The following EPS15L1 variants were observed in gnomAD, a reference collection of about 807,000 sequenced individuals.
EPS15L1 encodes epidermal growth factor receptor substrate 15-like 1.
In EPS15L1, 43 loss-of-function variants were observed where a neutral mutation model predicts 117.1. The ratio of observed to expected loss-of-function variants is 0.37; its 90% CI spans 0.29 to 0.47. The LOEUF is 0.47. EPS15L1 is among the 20% of genes least tolerant of loss of function. EPS15L1 has a pLI of 0.99. For missense variants in EPS15L1, 981 were observed against 1,164.0 expected (o/e 0.84, Z 2.29); for synonymous variants, 459 against 470.5 (o/e 0.98, Z 0.32).
intron 13 of EPS15L1, chr19:16,412,670 C>T (rs906690789): frequency 2.8e-5 from 4 of 143,046 alleles, no homozygotes; most frequent in Admixed American, 9.3e-5. Flanking sequence ...TCTTCTTCTC[C>T]GAGAAAACAC....
chr19:16,404,971 G>A lies in EPS15L1; in HGVS notation c.1267-222C>T, dbSNP rs2092641784. 6.6e-6 allele frequency among the ~76,000 whole-genome samples: 1 copy of A among 152,202 alleles called. No homozygotes were observed. Among genetic ancestry groups the A allele is most frequent in the African/African-American group, 2.4e-5 (1 of 41,442 alleles). ...CCAGCTCCCTCAGCAGGTATTTCCCGATGGCCTAACAGAGGCCAGGTGCGA... is the reference window on the plus strand; with the variant it reads ...CCAGCTCCCTCAGCAGGTATTTCCCAATGGCCTAACAGAGGCCAGGTGCGA... On this transcript the variant is annotated intron_variant, in intron 13 of 23. Coordinates refer to ENST00000455140, the MANE Select transcript of EPS15L1 (RefSeq NM_001258374.3). This position sits in a 1 kb window ranked among gnomAD's most constrained non-coding sequence, Gnocchi z 4.2.
At chr19:16,385,292 G>A (rs763530571) in intron 20 of EPS15L1, 81 bp from the exon 21 acceptor site, 44 of 1,170,474 alleles carry the variant, frequency 3.8e-5, no homozygotes, top group Non-Finnish European at 5.5e-5. Context: ...ATGCTAGATG[G>A]CCCCTGAACC....
intron 21 of EPS15L1, among the ~76,000 whole-genome samples, chr19:16,378,925 G>A (rs2092328992): frequency 6.6e-6 from 1 of 152,202 alleles, no homozygotes; most frequent in Admixed American, 6.5e-5. Context: ...TTACAAAAAT[G>A]CAAAATAACT....
At chr19:16,384,702 T>G (rs1225809767) in intron 21 of EPS15L1, among the ~76,000 whole-genome samples, 2 of 152,210 alleles carry the variant, frequency 1.3e-5, no homozygotes, top group Non-Finnish European at 2.9e-5. Context: ...GCCCTCACTT[T>G]TCAACACCCC....
At chr19:16,392,499 A>G in intron 18 of EPS15L1, 59 bp from the exon 19 acceptor site, 1 of 1,478,866 alleles carries the variant, frequency 6.8e-7, no homozygotes, top group Non-Finnish European at 9.4e-7. Context: ...CCCAGACATA[A>G]AAGAACACAT....
chr19:16,361,916 G>A lies in EPS15L1; in HGVS notation c.2449C>T (p.Leu817Phe). The change falls in exon 23 of 24, where the codon CTC becomes TTC. Residue 817 changes from leucine (L) to phenylalanine (F), a missense_variant. Leu to Phe is a conservative substitution (Grantham distance 22). This residue lies in a region of EPS15L1 where 819 missense variants were observed against 949.0 expected (regional missense o/e 0.86). Transcript: ENST00000455140. The stretch of plus-strand genomic sequence containing the variant: ...AACGGGTCGCCGCTGTCAGCCCCGA[G>A]TGGCTGGAATGGATCGGGGGCCTCG... ...FPEAPDPFQPLGADSGDPFQS... is the reference protein window; with the variant it reads ...FPEAPDPFQPFGADSGDPFQS... 1 of 1,614,056 alleles carries A rather than the reference G, an allele frequency of 6.2e-7. No homozygotes were observed. The highest frequency in any genetic ancestry group is 8.5e-7 in the Non-Finnish European group (1 of 1,180,010).
intron 1 of EPS15L1, among the ~76,000 whole-genome samples, chr19:16,443,248 G>A (rs1333138926): frequency 6.6e-6 from 1 of 152,176 alleles, no homozygotes; most frequent in East Asian, 1.9e-4. Context: ...CTTGGGGGCA[G>A]GATTACAGTG....
intron 3 of EPS15L1, 191 bp from the exon 4 acceptor site, chr19:16,441,100 G>A (rs890318517): frequency 5.1e-5 from 33 of 647,418 alleles, no homozygotes; most frequent in African/African-American, 1.4e-4. Flanking sequence ...GCCAGTCAGC[G>A]GCAGGGCCCA....
Position 16,361,978 on chromosome 19 carries a change from C to T in EPS15L1, c.2387G>A (p.Ser796Asn), listed in dbSNP as rs2092060692. 6.3e-7 allele frequency: 1 copy of T among 1,589,862 alleles called. No homozygotes were observed. The highest frequency in any genetic ancestry group is 8.5e-7 in the Non-Finnish European group (1 of 1,170,742). The part of the protein sequence containing the change: ...PPRPKPPSGK[S>N]TPVSQLGSAD... ...GGAACCAAGCTGGCTTACAGGTGTA[C>T]TTTTACCTGGAAAGTTTAGGAGAAA... Residue 796 changes from serine (S) to asparagine (N), a missense_variant, in exon 23 of 24, where the codon AGT (serine) becomes AAT (asparagine). This residue lies in a region of EPS15L1 where 819 missense variants were observed against 949.0 expected (regional missense o/e 0.86). Coordinates refer to ENST00000455140, the MANE Select transcript of EPS15L1 (RefSeq NM_001258374.3).
chr19:16,359,591 G>C (rs1162557935), intron 23 of EPS15L1, among the ~76,000 whole-genome samples: 1 of 152,144 alleles, frequency 6.6e-6, no homozygotes, highest in African/African-American at 2.4e-5. Context: ...CCGGGCACAG[G>C]GGCTCATGCC....
Position 16,403,912 on chromosome 19 carries a change from G to C in EPS15L1, c.1447C>G (p.Gln483Glu). The stretch of plus-strand genomic sequence containing the variant: ...AAGTCAGATTCCTGAGATTGGATTT[G>C]CGTTTTCAGTGATGAGATCTGAAAT... ...ETQMISSLKT[Q>E]IQSQESDLKS... Residue 483 changes from glutamine to glutamate, a missense_variant, in exon 15 of 24, where the codon CAA (glutamine) becomes GAA (glutamate). Transcript: ENST00000455140. 6.2e-7 allele frequency: 1 copy of C among 1,613,962 alleles called. No homozygotes were observed. The highest frequency in any genetic ancestry group is 8.5e-7 in the Non-Finnish European group (1 of 1,179,944).
intron 21 of EPS15L1, among the ~76,000 whole-genome samples, chr19:16,382,332 C>T (rs190199256): frequency 2.0e-5 from 3 of 152,312 alleles, no homozygotes; most frequent in Admixed American, 1.3e-4. Context: ...CTTTCCTACT[C>T]GGGCAGCGGC....
chr19:16,458,207 G>A (rs1490680965), intron 1 of EPS15L1, among the ~76,000 whole-genome samples: 7 of 152,216 alleles, frequency 4.6e-5, no homozygotes, highest in South Asian at 2.1e-4. Flanking sequence ...CCTCCTCATC[G>A]CTGTGGGTGA....
chr19:16,453,345 T>A (rs1002663921), intron 1 of EPS15L1, among the ~76,000 whole-genome samples: 2 of 152,168 alleles, frequency 1.3e-5, no homozygotes, highest in Admixed American at 6.6e-5. Flanking sequence ...GTTCAAAAGA[T>A]CTTCCCACCG....
chr19:16,447,762 GA>G (rs1212859844), intron 1 of EPS15L1, among the ~76,000 whole-genome samples: 155 of 135,162 alleles, frequency 1.1e-3, no homozygotes, highest in South Asian at 9.4e-3. Flanking sequence ...TTCATCTTCG[GA>G]AAAAAAAAAA....
Position 16,404,692 on chromosome 19 carries a change from T to C in EPS15L1, c.1324A>G (p.Lys442Glu). The C allele has an allele frequency of 6.2e-7, 1 of 1,614,208 alleles. No individual in the cohort carries two copies. Among genetic ancestry groups the C allele is most frequent in the Non-Finnish European group, 8.5e-7 (1 of 1,180,026 alleles). ...TCCAGGCGGTCTTGAGCATCCTGTTTCTGAGCCTCGAGCTCCTGCAAACTG... is the reference window on the plus strand; with the variant it reads ...TCCAGGCGGTCTTGAGCATCCTGTTCCTGAGCCTCGAGCTCCTGCAAACTG... ...TSSLQELEAQ[K>E]QDAQDRLDEM... The change falls in exon 14 of 24, where the codon AAA (lysine) becomes GAA (glutamate). Residue 442 changes from lysine (K) to glutamate (E), a missense_variant. This residue lies in a region of EPS15L1 where 819 missense variants were observed against 949.0 expected (regional missense o/e 0.86). Transcript: ENST00000455140. This position sits in a 1 kb window ranked among gnomAD's most constrained non-coding sequence, Gnocchi z 4.2.
intron 22 of EPS15L1, among the ~76,000 whole-genome samples, chr19:16,375,197 T>A (rs779322118): frequency 2.6e-5 from 4 of 152,212 alleles, no homozygotes; most frequent in Non-Finnish European, 1.5e-5. Flanking sequence ...TGCCTGCATA[T>A]GCGTACATGC....
chr19:16,406,069 G>A (rs1299576227), intron 13 of EPS15L1, among the ~76,000 whole-genome samples: 2 of 152,270 alleles, frequency 1.3e-5, no homozygotes, highest in African/African-American at 2.4e-5. Flanking sequence ...GGGGAGCCAT[G>A]GCTGGGTGGT....
chr19:16,456,997 T>C (rs2093203855), intron 1 of EPS15L1, among the ~76,000 whole-genome samples: 1 of 151,768 alleles, frequency 6.6e-6, no homozygotes, highest in Admixed American at 6.6e-5. Context: ...TGGGCGCATA[T>C]GCATATGAGA....
Sources: allele counts gnomAD v4.1 joint callset (sites outside exome capture counted in the v4.1 genomes callset), GRCh38; gene constraint gnomAD v4.1.1; regional missense constraint gnomAD v4.1.1; non-coding constraint Gnocchi (gnomAD v3.1); transcripts MANE v1.5; gene names NCBI Gene and HGNC (gene_info 2026-07-23, HGNC 2026-07-21).